Variants in BTBD8 observed in about 807,000 individuals in gnomAD.
The protein encoded by BTBD8 is BTB domain containing 8.
BTBD8 carries 110 observed loss-of-function variants against 162.9 expected under a neutral mutation model. That is an observed-to-expected ratio of 0.68 (90% confidence interval 0.58 to 0.79). The LOEUF is 0.79. Ranked by LOEUF, BTBD8 falls within the 30% of genes least tolerant of loss-of-function variation. The pLI, the probability that BTBD8 is intolerant of heterozygous loss-of-function variation, is 0.00. For missense variants in BTBD8, 1,905 were observed against 2,085.4 expected, an observed-to-expected ratio of 0.91 and a Z score of 1.68; for synonymous variants, 667 against 716.1, an observed-to-expected ratio of 0.93 and a Z score of 1.10.
chr1:92,088,755 C>G lies in BTBD8; in HGVS notation c.207C>G (p.Phe69Leu). The G allele has an allele frequency of 6.2e-7, 1 of 1,612,704 alleles. No individual in the cohort carries two copies. Among genetic ancestry groups the G allele is most frequent in the South Asian group, 1.1e-5 (1 of 90,926 alleles). The change falls in exon 2 of 18, where the codon TTC becomes TTG. Residue 69 changes from phenylalanine (F) to leucine (L), a missense_variant. Phe to Leu is a conservative substitution (Grantham distance 22). Around this residue, in one of 3 missense-constraint regions of BTBD8, gnomAD observed 1,374 missense variants for 1,442.7 expected, o/e 0.95. Coordinates refer to ENST00000636805, the MANE Select transcript of BTBD8 (RefSeq NM_001376131.1). ...DVTFSVGCTL[F>L]KAHKAVLLAR... ...CCTTCTCTGTGGGTTGTACTTTGTT[C>G]AAAGCACACAAAGCAGTCCTTTTAG...
At chr1:92,147,437 T>A (rs980248542) in intron 8 of BTBD8, among the ~76,000 whole-genome samples, 169 bp downstream of exon 8, 2 of 152,208 alleles carry the variant, frequency 1.3e-5, no homozygotes, top group Non-Finnish European at 2.9e-5. Context: ...ATTTAGATAT[T>A]ACTCAAGTTA....
rs1306594082 is a variant in BTBD8 at position 92,180,509 on chromosome 1, T to C, written c.2826T>C (p.Pro942=). The C allele has an allele frequency of 6.4e-7, 1 of 1,551,430 alleles. No individual in the cohort carries two copies. The change falls in exon 17 of 18, where the codon CCT becomes CCC. Residue 942 remains proline (P), a synonymous_variant. Coordinates refer to ENST00000636805, the MANE Select transcript of BTBD8 (RefSeq NM_001376131.1). ...LNNKDSKQKM[P]PGQVISKTQP... ...ATAAAGATTCAAAACAGAAAATGCC[T>C]CCTGGACAGGTTATATCAAAAACTC...
intron 10 of BTBD8, 91 bp from the exon 11 acceptor site, chr1:92,167,757 G>A: frequency 9.8e-7 from 1 of 1,024,310 alleles, no homozygotes; most frequent in African/African-American, 1.6e-5. Context: ...ACTTCATACA[G>A]CTAGTTATAA....
At position 92,167,105 on chromosome 1, in the gene BTBD8, A is replaced by G. The variant is rs1350253915; in HGVS notation, c.1270A>G (p.Ile424Val). Residue 424 changes from isoleucine (I) to valine (V), a missense_variant, in exon 10 of 18, where the codon ATT (isoleucine) becomes GTT (valine). Physicochemically the swap from Ile to Val is conservative, Grantham distance 29. This residue lies in a region of BTBD8 where 1,374 missense variants were observed against 1,442.7 expected (regional missense o/e 0.95). Coordinates refer to ENST00000636805, the MANE Select transcript of BTBD8 (RefSeq NM_001376131.1). ...ATTTATTGTAGACAACTTCTCCAAG[A>G]TTATTCAGAGTGAAAATTTTGCTCT... The part of the protein sequence containing the change: ...IAFIVDNFSK[I>V]IQSENFALLL... 7 of 1,550,472 alleles carry G rather than the reference A, an allele frequency of 4.5e-6. No homozygotes were observed. The highest frequency in any genetic ancestry group is 5.2e-6 in the Non-Finnish European group (6 of 1,147,000).
intron 13 of BTBD8, among the ~76,000 whole-genome samples, chr1:92,175,572 A>T (rs931372773): frequency 6.7e-6 from 1 of 148,660 alleles, no homozygotes; most frequent in African/African-American, 2.5e-5. Context: ...AGGCGGGTGG[A>T]TTGCCTGAGC....
intron 6 of BTBD8, chr1:92,139,747 AT>A: frequency 4.1e-6 from 1 of 246,210 alleles, no homozygotes; most frequent in Non-Finnish European, 6.7e-6. Context: ...TACTTTTTAA[AT>A]TTTAGGATAT....
chr1:92,108,136 G>A (rs1648786073), intron 4 of BTBD8, 135 bp downstream of exon 4: 1 of 808,720 alleles, frequency 1.2e-6, no homozygotes. Context: ...GGCCAAAGGG[G>A]TTCCACTGTG....
At chr1:92,106,399 G>T (rs1032725208) in intron 3 of BTBD8, among the ~76,000 whole-genome samples, 1 of 151,858 alleles carries the variant, frequency 6.6e-6, no homozygotes, top group Non-Finnish European at 1.5e-5. Flanking sequence ...GGTGGCTCAC[G>T]CCTGTAATCC....
rs147036211 is a variant in BTBD8 at position 92,132,075 on chromosome 1, G to A, written c.752+2299G>A. On this transcript the variant is annotated intron_variant, in intron 5 of 17. Coordinates refer to ENST00000636805, the MANE Select transcript of BTBD8 (RefSeq NM_001376131.1). The stretch of plus-strand genomic sequence containing the variant: ...CCACAGTCATTGAAGAAATTTAAAA[G>A]TTTTCCGATTGGTATGTGTTCTTGA... Among the ~76,000 whole-genome samples, 270 of 152,240 alleles carry A rather than the reference G, an allele frequency of 1.8e-3. 3 individuals are homozygous for A. The highest frequency in any genetic ancestry group is 5.9e-3 in the African/African-American group (245 of 41,542).
chr1:92,178,208 T>C, intron 15 of BTBD8, 104 bp from the exon 16 acceptor site: 1 of 844,414 alleles, frequency 1.2e-6, no homozygotes, highest in South Asian at 1.9e-5. Flanking sequence ...TCAGGAGAGA[T>C]GTATTTTTTA....
At chr1:92,081,578 CT>C (rs200353236) in intron 1 of BTBD8, among the ~76,000 whole-genome samples, 189 of 146,750 alleles carry the variant, frequency 1.3e-3, no homozygotes, top group East Asian at 8.1e-3. Context: ...CAGCATTCTA[CT>C]TTTTTTTTTT....
At position 92,162,501 on chromosome 1, in the gene BTBD8, A is replaced by G. The variant is rs560514977; in HGVS notation, c.1123-4457A>G. 3.3e-4 allele frequency among the ~76,000 whole-genome samples: 50 copies of G among 152,290 alleles called. No individual in the cohort carries two copies. The South Asian group carries it at 3.5e-3, about 11-fold the overall frequency. On this transcript the variant is annotated intron_variant, in intron 9 of 17. Transcript: ENST00000636805. ...CCAGTTGCCTACAATAGTGAATTCT[A>G]TATTAGTGTTTTTCGAACTTTAATG...
intron 13 of BTBD8, 90 bp from the exon 14 acceptor site, chr1:92,176,739 T>C: frequency 1.5e-6 from 1 of 648,042 alleles, no homozygotes. Flanking sequence ...TTCTATTTTT[T>C]TTCTTTGAAA....
chr1:92,122,803 G>T (rs1158725742), intron 4 of BTBD8, among the ~76,000 whole-genome samples: 1 of 152,134 alleles, frequency 6.6e-6, no homozygotes, highest in East Asian at 1.9e-4. Flanking sequence ...GACCTCAAGT[G>T]ATCTTCCTGC....
At chr1:92,126,255 G>C in intron 4 of BTBD8, 1 of 589,734 alleles carries the variant, frequency 1.7e-6, no homozygotes, top group East Asian at 4.6e-5. Flanking sequence ...AGAAAATGAA[G>C]AGTTTGTTGA....
Position 92,176,962 on chromosome 1 carries a change from C to T in BTBD8, c.1769C>T (p.Ser590Leu), listed in dbSNP as rs1195453133. Residue 590 changes from serine (S) to leucine (L), a missense_variant, in exon 14 of 18, where the codon TCG becomes TTG. Coordinates refer to ENST00000636805, the MANE Select transcript of BTBD8 (RefSeq NM_001376131.1). ...KSDGLGASGH[S>L]SSTNRNSINK... ...GATGGATTAGGAGCATCTGGACATT[C>T]GTCAAGTACCAATAGAAATAGTATA... The T allele has an allele frequency of 1.4e-5, 21 of 1,546,158 alleles. No homozygotes were observed. The highest frequency in any genetic ancestry group is 4.0e-5 in the Admixed American group (2 of 50,134).
At chr1:92,119,614 T>G (rs1649136989) in intron 4 of BTBD8, among the ~76,000 whole-genome samples, 1 of 149,708 alleles carries the variant, frequency 6.7e-6, no homozygotes. Context: ...TTCTATAAGC[T>G]CTTTTCTTTT....
At chr1:92,100,258 T>A (rs898522477) in intron 2 of BTBD8, among the ~76,000 whole-genome samples, 2 of 152,236 alleles carry the variant, frequency 1.3e-5, no homozygotes, top group African/African-American at 2.4e-5. Flanking sequence ...AGGGTTTTTT[T>A]ATTTACACTA....
At chr1:92,161,720 A>T (rs1021832559) in intron 9 of BTBD8, among the ~76,000 whole-genome samples, 1 of 152,182 alleles carries the variant, frequency 6.6e-6, no homozygotes, top group Non-Finnish European at 1.5e-5. Flanking sequence ...TGTTAGTAAG[A>T]GTATATGGGA....
Sources: gnomAD v4.1 joint callset for allele counts (sites outside exome capture counted in the v4.1 genomes callset) on GRCh38, gnomAD v4.1.1 for gene constraint, gnomAD v4.1.1 regional missense constraint, MANE v1.5 for transcripts, NCBI Gene and HGNC (gene_info 2026-07-23, HGNC 2026-07-21) for gene names.